TWIST2: variants seen among roughly 807,000 people sequenced by gnomAD.
TWIST2 encodes the protein twist-related protein 2.
Under a neutral mutation model 11.6 loss-of-function variants are expected in TWIST2, and 1 was observed. The observed-to-expected ratio is 0.09, with a 90% CI of 0.03 to 0.41. The LOEUF (loss-of-function observed/expected upper bound fraction) is 0.41, where lower values mean the gene tolerates loss of function less well. Among genes scored for constraint, TWIST2 ranks in the 10% least tolerant of loss-of-function variants. The pLI is 0.98. For missense variants in TWIST2, 168 were observed against 226.4 expected (o/e 0.74, Z 1.66); for synonymous variants, 87 against 96.6 (o/e 0.90, Z 0.58).
At chr2:238,871,244 ACACAAACCACGCACCCCATG>A (rs1209525421) in intron 1 of TWIST2, among the ~76,000 whole-genome samples, 1 of 9,658 alleles carries the variant, frequency 1.0e-4, no homozygotes. Context: ...CACACACCAC[ACACAAACCACGCACCCCATG>A]CACACACCAC....
chr2:238,900,396 G>A (rs1292120056), intron 1 of TWIST2, among the ~76,000 whole-genome samples: 1 of 152,182 alleles, frequency 6.6e-6, no homozygotes, highest in Non-Finnish European at 1.5e-5. Context: ...CCTGCCCCCA[G>A]TTGACTGTGG....
At chr2:238,897,337 A>G (rs1693218598) in intron 1 of TWIST2, among the ~76,000 whole-genome samples, 2 of 152,054 alleles carry the variant, frequency 1.3e-5, no homozygotes, top group African/African-American at 2.4e-5. Flanking sequence ...GTGTCCCCCA[A>G]GCTTCCAGGG....
chr2:238,859,037 C>A (rs1027473514), intron 1 of TWIST2, among the ~76,000 whole-genome samples: 2 of 151,942 alleles, frequency 1.3e-5, no homozygotes, highest in Admixed American at 6.6e-5. Flanking sequence ...CATGGTGAAA[C>A]CTCATCTCTA....
At chr2:238,906,007 G>T (rs1027396890) in intron 1 of TWIST2, among the ~76,000 whole-genome samples, 1 of 151,874 alleles carries the variant, frequency 6.6e-6, no homozygotes, top group Non-Finnish European at 1.5e-5. Context: ...GTGCGTGTGC[G>T]TGTGTGGTTT....
At chr2:238,865,919 G>A (rs1033087154) in intron 1 of TWIST2, among the ~76,000 whole-genome samples, 7 of 152,262 alleles carry the variant, frequency 4.6e-5, no homozygotes, top group African/African-American at 7.2e-5. Context: ...ACAGTGCCCC[G>A]CCGGGGTCGG....
intron 1 of TWIST2, among the ~76,000 whole-genome samples, chr2:238,870,859 T>TACCCCACACACACCAC (rs1271891275): frequency 4.9e-5 from 1 of 20,600 alleles, no homozygotes; most frequent in East Asian, 1.3e-3. Context: ...ACACACACCT[T>TACCCCACACACACCAC]ACCCCACACA....
intron 1 of TWIST2, among the ~76,000 whole-genome samples, chr2:238,857,960 C>A (rs1320794577): frequency 6.6e-6 from 1 of 152,080 alleles, no homozygotes; most frequent in Non-Finnish European, 1.5e-5. Context: ...AAACAACAAG[C>A]AAACCAACAC....
In TWIST2 at chr2:238,902,912, C is replaced by T. The variant is rs1374929447; in HGVS notation, c.*36-6930C>T. Among the ~76,000 whole-genome samples, 39 of 27,460 alleles carry T rather than the reference C, an allele frequency of 1.4e-3. 1 individual carries two copies. Among genetic ancestry groups the T allele is most frequent in the Admixed American group, 4.5e-3 (9 of 2,010 alleles). The allele number at this position is 27,460 out of a possible 152,430, so 18.0% of individuals were successfully genotyped here. ...ATGTGGGGTGTGTGATGGGTATGTG[C>T]GTGATGTGAGGTGTGTGTGATGTGG... On this transcript the variant is annotated intron_variant, in intron 1 of 1. Transcript: ENST00000612363.
intron 1 of TWIST2, among the ~76,000 whole-genome samples, chr2:238,862,228 A>G (rs909179054): frequency 2.0e-5 from 3 of 152,256 alleles, no homozygotes; most frequent in Admixed American, 1.3e-4. Context: ...TAAATAAAAT[A>G]GCAAAATAAT....
chr2:238,909,394 G>T (rs1011602447), intron 1 of TWIST2, among the ~76,000 whole-genome samples: 1 of 152,096 alleles, frequency 6.6e-6, no homozygotes, highest in African/African-American at 2.4e-5. Context: ...CGTCCTCCTC[G>T]CTGGAACCCA....
At chr2:238,871,436 C>T (rs1450280293) in intron 1 of TWIST2, among the ~76,000 whole-genome samples, 1 of 81,736 alleles carries the variant, frequency 1.2e-5, no homozygotes, top group Non-Finnish European at 2.6e-5. Context: ...ACACGCCACA[C>T]ACACACCTTA....
chr2:238,904,946 A>T (rs1693322722), intron 1 of TWIST2, among the ~76,000 whole-genome samples: 1 of 152,120 alleles, frequency 6.6e-6, no homozygotes, highest in African/African-American at 2.4e-5. Context: ...TGGATCAATG[A>T]AGAAATGGAT....
rs561798544 is a variant in TWIST2 at position 238,856,692 on chromosome 2, C to T, written c.*35+7959C>T. 3.9e-5 allele frequency among the ~76,000 whole-genome samples: 6 copies of T among 152,232 alleles called. No individual in the cohort carries two copies. In the East Asian group the frequency reaches 1.2e-3, roughly 29 times the overall value. ...TTTATCTTCAGGATTGTGTTGGGGC[C>T]GTGTGCCTCTCTCTGCTGCTGGCCA... On this transcript the variant is annotated intron_variant, in intron 1 of 1. Coordinates refer to ENST00000612363, the MANE Select transcript of TWIST2 (RefSeq NM_001271893.4).
intron 1 of TWIST2, among the ~76,000 whole-genome samples, chr2:238,889,620 T>C (rs1574764801): frequency 6.6e-6 from 1 of 152,310 alleles, no homozygotes; most frequent in East Asian, 1.9e-4. Flanking sequence ...TAAAATTATA[T>C]TTGTATTTAT....
In TWIST2 at chr2:238,866,125, A is replaced by G. The variant is rs547932979; in HGVS notation, c.*35+17392A>G. Reference sequence around the variant, plus strand: ...GGACCCACTGAATGTAGGTTCCTTTACCCCCATTTCACCTGCTGCCAGCAG... The same window carrying G: ...GGACCCACTGAATGTAGGTTCCTTTGCCCCCATTTCACCTGCTGCCAGCAG... On this transcript the variant is annotated intron_variant, in intron 1 of 1. Coordinates refer to ENST00000612363, the MANE Select transcript of TWIST2 (RefSeq NM_001271893.4). The surrounding 1 kb of genome is among the most constrained non-coding windows in gnomAD (Gnocchi z 4.9). 6.6e-6 allele frequency among the ~76,000 whole-genome samples: 1 copy of G among 151,896 alleles called. No homozygotes were observed. The highest frequency in any genetic ancestry group is 1.5e-5 in the Non-Finnish European group (1 of 67,928).
At chr2:238,901,597 C>T (rs1278276256) in intron 1 of TWIST2, among the ~76,000 whole-genome samples, 13 of 152,140 alleles carry the variant, frequency 8.5e-5, no homozygotes, top group African/African-American at 3.1e-4. Context: ...GCACTCACGC[C>T]GATGGGAGGT....
intron 1 of TWIST2, among the ~76,000 whole-genome samples, chr2:238,875,974 G>A (rs1692797402): frequency 6.6e-6 from 1 of 152,226 alleles, no homozygotes; most frequent in African/African-American, 2.4e-5. Context: ...AGGTGCCAGG[G>A]TGCAGGGAGG....
At chr2:238,908,054 CAA>C (rs1418229746) in intron 1 of TWIST2, among the ~76,000 whole-genome samples, 5 of 145,838 alleles carry the variant, frequency 3.4e-5, no homozygotes, top group South Asian at 2.2e-4. Context: ...CATACACACA[CAA>C]AGTCACGCCA....
chr2:238,889,990 C>T (rs1415215547), intron 1 of TWIST2, among the ~76,000 whole-genome samples: 3 of 117,132 alleles, frequency 2.6e-5, no homozygotes, highest in Non-Finnish European at 6.1e-5. Flanking sequence ...CGGAGGCTGC[C>T]CAGCCTGGCC....
Sources: allele counts gnomAD v4.1 joint callset (sites outside exome capture counted in the v4.1 genomes callset), GRCh38; gene constraint gnomAD v4.1.1; non-coding constraint Gnocchi (gnomAD v3.1); transcripts MANE v1.5; gene names NCBI Gene and HGNC (gene_info 2026-07-23, HGNC 2026-07-21).